The following GNB1 variants were observed in gnomAD, a reference collection of about 807,000 sequenced individuals.
GNB1 encodes guanine nucleotide-binding protein G(I)/G(S)/G(T) subunit beta-1.
In GNB1, 2 loss-of-function variants were observed where a neutral mutation model predicts 42.9. That is an observed-to-expected ratio of 0.05 (90% CI 0.02 to 0.15). The LOEUF (loss-of-function observed/expected upper bound fraction) is 0.15. GNB1 is among the 10% of genes least tolerant of loss of function. GNB1 has a pLI of 1.00. For missense variants in GNB1, 193 were observed against 462.2 expected (o/e 0.42, Z 5.34); for synonymous variants, 183 against 174.7 (o/e 1.05, Z -0.38).
intron 4 of GNB1, among the ~76,000 whole-genome samples, chr1:1,816,641 TATC>T (rs1191229040): frequency 2.1e-5 from 3 of 143,860 alleles, no homozygotes; most frequent in Admixed American, 8.0e-5. Context: ...TTATTTTTAT[TATC>T]TTTTTTTTTT....
chr1:1,842,832 G>C (rs1286922474), intron 1 of GNB1, among the ~76,000 whole-genome samples: 1 of 152,232 alleles, frequency 6.6e-6, no homozygotes, highest in Non-Finnish European at 1.5e-5. Context: ...AGGCACACAG[G>C]AGTAAACAGT....
chr1:1,812,419 C>T (rs111770071), intron 5 of GNB1, among the ~76,000 whole-genome samples: 2,381 of 150,764 alleles, frequency 0.016, 63 homozygotes, highest in African/African-American at 0.054. Flanking sequence ...CACACACACA[C>T]ACACACACAC....
intron 5 of GNB1, among the ~76,000 whole-genome samples, chr1:1,813,214 G>GT (rs974723484): frequency 1.2e-4 from 18 of 151,216 alleles, no homozygotes; most frequent in Admixed American, 4.6e-4. Flanking sequence ...TCGGCTCACA[G>GT]TAACCTCCAC....
At chr1:1,845,009 A>C (rs575094867) in intron 1 of GNB1, among the ~76,000 whole-genome samples, 1 of 152,340 alleles carries the variant, frequency 6.6e-6, no homozygotes, top group South Asian at 2.1e-4. Flanking sequence ...ATAATACTGA[A>C]CTTAATGACA....
chr1:1,806,604 G>T, intron 5 of GNB1, 66 bp from the exon 6 acceptor site: 1 of 1,062,244 alleles, frequency 9.4e-7, no homozygotes, highest in Non-Finnish European at 1.4e-6. Context: ...AAGAGCAACA[G>T]ACTAAAACCC....
intron 1 of GNB1, among the ~76,000 whole-genome samples, chr1:1,840,882 G>A (rs533837529): frequency 1.1e-4 from 16 of 152,252 alleles, no homozygotes; most frequent in African/African-American, 3.1e-4. Context: ...TCTGATTTCA[G>A]AACATTTATT....
chr1:1,851,325 G>A (rs1182753337), intron 1 of GNB1, among the ~76,000 whole-genome samples: 4 of 151,864 alleles, frequency 2.6e-5, no homozygotes, highest in African/African-American at 2.4e-5. Flanking sequence ...CAGGAGAATC[G>A]CTTGAACCCG....
chr1:1,888,757 G>C (rs181328793), intron 1 of GNB1, among the ~76,000 whole-genome samples: 68 of 152,258 alleles, frequency 4.5e-4, no homozygotes, highest in Non-Finnish European at 8.5e-4. Context: ...AGAATCACTT[G>C]AACCCGGGGG....
intron 1 of GNB1, among the ~76,000 whole-genome samples, chr1:1,888,561 G>A (rs1297817996): frequency 1.3e-5 from 2 of 152,122 alleles, no homozygotes; most frequent in Non-Finnish European, 2.9e-5. Context: ...TTACCGGCTG[G>A]GCGCGGTGGC....
intron 1 of GNB1, among the ~76,000 whole-genome samples, chr1:1,889,862 G>T (rs1171615215): frequency 6.6e-6 from 1 of 152,138 alleles, no homozygotes; most frequent in East Asian, 1.9e-4. Flanking sequence ...ATTTTCAACA[G>T]ATCTCCCCAC....
chr1:1,786,247 C>T lies in GNB1; in HGVS notation c.*816G>A. On this transcript the variant is annotated 3_prime_UTR_variant, in exon 12 of 12. Coordinates refer to ENST00000378609, the MANE Select transcript of GNB1 (RefSeq NM_002074.5). ...TATTATAAACTTCCCTCCAACTTCA[C>T]AAGGAAACCCAAAGTGAGATTAAAA... is the stretch of plus-strand genomic sequence containing the variant. The T allele has an allele frequency of 2.5e-6, 1 of 393,752 alleles. No homozygotes were observed. The highest frequency in any genetic ancestry group is 2.1e-5 in the African/African-American group (1 of 48,630). The allele number at this position is 393,752 out of a possible 1,614,324, so 24.4% of individuals were successfully genotyped here. A position where few individuals can be genotyped will look rare whatever the true frequency, so the allele number is the denominator to read the frequency against.
chr1:1,826,072 A>G (rs371079109), intron 2 of GNB1, among the ~76,000 whole-genome samples: 31 of 152,358 alleles, frequency 2.0e-4, no homozygotes, highest in African/African-American at 7.2e-4. Flanking sequence ...AAAATCTGTT[A>G]AGCATTTTTC....
At chr1:1,813,207 G>T (rs1646806668) in intron 5 of GNB1, among the ~76,000 whole-genome samples, 1 of 151,340 alleles carries the variant, frequency 6.6e-6, no homozygotes, top group Non-Finnish European at 1.5e-5. Flanking sequence ...TGCAATTTCG[G>T]CTCACAGTAA....
chr1:1,863,193 CCAAA>C (rs772056104), intron 1 of GNB1, among the ~76,000 whole-genome samples: 2 of 152,098 alleles, frequency 1.3e-5, no homozygotes, highest in African/African-American at 2.4e-5. Context: ...GGTTTTCCAA[CCAAA>C]CAAATGAGTA....
intron 2 of GNB1, among the ~76,000 whole-genome samples, chr1:1,838,899 G>C (rs1365389922): frequency 6.6e-6 from 1 of 152,056 alleles, no homozygotes; most frequent in African/African-American, 2.4e-5. Context: ...AGCTTTTTTT[G>C]AGGATCAAAT....
At chr1:1,806,342 CACT>C in intron 6 of GNB1, 130 bp downstream of exon 6, 1 of 597,016 alleles carries the variant, frequency 1.7e-6, no homozygotes, top group Admixed American at 2.7e-5. Flanking sequence ...TGCGCAACTT[CACT>C]ACTAACAAAC....
rs573511395 is a variant in GNB1 at position 1,838,109 on chromosome 1, A to G, written c.-47+1081T>C. On this transcript the variant is annotated intron_variant, in intron 2 of 11. Transcript: ENST00000378609. ...TCCCAGCTAATTGGGAGGCTGAGAC[A>G]GGAGAATGGCTTGAACCTGGGAGGG... Among the ~76,000 whole-genome samples, 163 of 152,144 alleles carry G rather than the reference A, an allele frequency of 1.1e-3. 1 individual carries two copies. The highest frequency in any genetic ancestry group is 3.8e-3 in the African/African-American group (157 of 41,552).
At chr1:1,836,288 C>T (rs537347765) in intron 2 of GNB1, among the ~76,000 whole-genome samples, 2 of 151,892 alleles carry the variant, frequency 1.3e-5, no homozygotes, top group East Asian at 3.9e-4. Flanking sequence ...GACTGCTGAG[C>T]TTCTGAGGCA....
chr1:1,793,034 A>C (rs1426791585), intron 8 of GNB1, among the ~76,000 whole-genome samples: 2 of 151,776 alleles, frequency 1.3e-5, no homozygotes, highest in African/African-American at 4.8e-5. Flanking sequence ...ATTGTACTCC[A>C]GCCTGGGTGA....
Sources: allele counts gnomAD v4.1 joint callset (sites outside exome capture counted in the v4.1 genomes callset), GRCh38; gene constraint gnomAD v4.1.1; transcripts MANE v1.5; gene names NCBI Gene and HGNC (gene_info 2026-07-23, HGNC 2026-07-21).